Variants in PCDHGA8 observed in about 807,000 individuals in gnomAD.
PCDHGA8 encodes the protein protocadherin gamma-A8.
In PCDHGA8, 45 loss-of-function variants were observed where a neutral mutation model predicts 59.2. That is an observed-to-expected ratio of 0.76 (90% CI 0.60 to 0.98). PCDHGA8 has a LOEUF of 0.98. Ranked by LOEUF, PCDHGA8 falls within the 50% of genes least tolerant of loss-of-function variation. The pLI is 0.00. For missense variants in PCDHGA8, 1,257 were observed against 1,196.2 expected (o/e 1.05, Z -0.75); for synonymous variants, 531 against 519.0 (o/e 1.02, Z -0.32).
chr5:141,507,862 G>T (rs17286954), intron 3 of PCDHGA8, among the ~76,000 whole-genome samples: 20,426 of 152,154 alleles, frequency 0.13, 1,374 homozygotes, highest in Admixed American at 0.16. Context: ...TTTCACACCC[G>T]CTTCCTAGCC....
intron 1 of PCDHGA8, chr5:141,403,391 G>C (rs1182066905): frequency 6.2e-7 from 1 of 1,614,046 alleles, no homozygotes; most frequent in East Asian, 2.2e-5. Flanking sequence ...CGAAATCGCG[G>C]TTCCTGGAGC....
At position 141,431,641 on chromosome 5, in the gene PCDHGA8, A is replaced by G. The variant is rs772686680; in HGVS notation, c.2424+36404A>G. ...ACAAGGCGGCCCAAGTTTTCAAACT[A>G]GATTGTAATTCAGGGACAATATCAA... is the stretch of plus-strand genomic sequence containing the variant. On this transcript the variant is annotated intron_variant, in intron 1 of 3. Coordinates refer to ENST00000398604, the MANE Select transcript of PCDHGA8 (RefSeq NM_032088.2). This position sits in a 1 kb window ranked among gnomAD's most constrained non-coding sequence, Gnocchi z 4.8. The G allele has an allele frequency of 6.2e-7, 1 of 1,614,270 alleles. No individual in the cohort carries two copies. Among genetic ancestry groups the G allele is most frequent in the South Asian group, 1.1e-5 (1 of 91,092 alleles).
chr5:141,489,893 G>A lies in PCDHGA8; in HGVS notation c.2425-4914G>A. ...CTGGTGCTTACTGCTGTGGATGGGG[G>A]GACCCCAGCCCGCTCAGGGACCACC... On this transcript the variant is annotated intron_variant, in intron 1 of 3. Transcript: ENST00000398604. This position sits in a 1 kb window ranked among gnomAD's most constrained non-coding sequence, Gnocchi z 4.5. 6.2e-7 allele frequency: 1 copy of A among 1,614,190 alleles called. No individual in the cohort carries two copies. Among genetic ancestry groups the A allele is most frequent in the South Asian group, 1.1e-5 (1 of 91,084 alleles).
At chr5:141,416,033 C>T (rs770398549) in intron 1 of PCDHGA8, 22 of 202,600 alleles carry the variant, frequency 1.1e-4, no homozygotes, top group Non-Finnish European at 1.9e-4. Flanking sequence ...AAAGAAATCA[C>T]CTCTGGAAAC....
chr5:141,422,453 G>A, intron 1 of PCDHGA8: 3 of 1,611,704 alleles, frequency 1.9e-6, no homozygotes, highest in Non-Finnish European at 2.5e-6. Context: ...ATAACAAGCA[G>A]AGTGCTGGAC....
intron 1 of PCDHGA8, among the ~76,000 whole-genome samples, chr5:141,443,479 C>G (rs1285767691): frequency 6.6e-6 from 1 of 152,144 alleles, no homozygotes; most frequent in African/African-American, 2.4e-5. Context: ...GAATTAGACC[C>G]TGTCCCAAAA....
At chr5:141,502,377 C>A (rs748121694) in intron 2 of PCDHGA8, among the ~76,000 whole-genome samples, 14 of 151,904 alleles carry the variant, frequency 9.2e-5, no homozygotes, top group Non-Finnish European at 1.3e-4. Flanking sequence ...AGAGTCCAGG[C>A]CAGTTGTACT....
Position 141,477,691 on chromosome 5 carries a change from A to G in PCDHGA8, c.2425-17116A>G, listed in dbSNP as rs1315811441. 6.2e-7 allele frequency: 1 copy of G among 1,614,188 alleles called. No homozygotes were observed. Among genetic ancestry groups the G allele is most frequent in the South Asian group, 1.1e-5 (1 of 91,090 alleles). On this transcript the variant is annotated intron_variant, in intron 1 of 3. Coordinates refer to ENST00000398604, the MANE Select transcript of PCDHGA8 (RefSeq NM_032088.2). This position sits in a 1 kb window ranked among gnomAD's most constrained non-coding sequence, Gnocchi z 4.9. ...GCATAGTGTCATCCTTAGTGCCCCT[A>G]GACTATGAGGATCGGCGGGAATTTG...
intron 1 of PCDHGA8, chr5:141,410,860 T>TTTTTTTTTTTTTTTTTTG: frequency 2.3e-6 from 1 of 442,030 alleles, no homozygotes; most frequent in Non-Finnish European, 3.7e-6. Flanking sequence ...TTTTTTTTTT[T>TTTTTTTTTTTTTTTTTTG]TTTTTTTTTT....
In PCDHGA8 at chr5:141,511,555, C is replaced by T; in HGVS notation, c.*382C>T. 1 of 305,302 alleles carries T rather than the reference C, an allele frequency of 3.3e-6. No individual in the cohort carries two copies. Among genetic ancestry groups the T allele is most frequent in the South Asian group, 3.6e-5 (1 of 28,078 alleles). 18.9% of individuals were successfully genotyped at this position (305,302 alleles called of 1,614,324 possible). ...CCTCCCCACCCCACTCCAACAGTTC[C>T]TCTTTCCCGAGTAAGGTGGTTGGGG... On this transcript the variant is annotated 3_prime_UTR_variant, in exon 4 of 4. Coordinates refer to ENST00000398604, the MANE Select transcript of PCDHGA8 (RefSeq NM_032088.2).
chr5:141,453,323 G>A (rs1313870724), intron 1 of PCDHGA8, among the ~76,000 whole-genome samples: 1 of 151,482 alleles, frequency 6.6e-6, no homozygotes, highest in Non-Finnish European at 1.5e-5. Context: ...TTTAGAGATG[G>A]GGTCTCACTA....
chr5:141,495,034 A>C (rs986393420), intron 2 of PCDHGA8, 169 bp downstream of exon 2: 1 of 962,702 alleles, frequency 1.0e-6, no homozygotes, highest in Non-Finnish European at 1.2e-6. Context: ...CCCCGGAAGG[A>C]AGAGGCGACT....
rs1272109802 is a variant in PCDHGA8 at position 141,403,110 on chromosome 5, C to G, written c.2424+7873C>G. The G allele has an allele frequency of 6.2e-7, 1 of 1,614,084 alleles. No individual in the cohort carries two copies. The highest frequency in any genetic ancestry group is 1.7e-5 in the Admixed American group (1 of 60,032). The stretch of plus-strand genomic sequence containing the variant: ...GTGGGCAACATCTCCAAGGACCTGG[C>G]TCTGGAGCCCCGGGAGCTGGCGGAG... On this transcript the variant is annotated intron_variant, in intron 1 of 3. Transcript: ENST00000398604.
chr5:141,399,940 C>T lies in PCDHGA8; in HGVS notation c.2424+4703C>T, dbSNP rs374856105. On this transcript the variant is annotated intron_variant, in intron 1 of 3. Transcript: ENST00000398604. Reference sequence around the variant, plus strand: ...CAACGCCTGGCTGTCCTACCACGTGCTGCAGGCTAGCGAGCCCGGGCTCTT... The same window carrying T: ...CAACGCCTGGCTGTCCTACCACGTGTTGCAGGCTAGCGAGCCCGGGCTCTT... 4.8e-4 allele frequency: 772 copies of T among 1,612,360 alleles called. 1 individual carries two copies. In the African/African-American group the frequency reaches 9.6e-3, roughly 20 times the overall value.
At chr5:141,430,149 C>T (rs1051033560) in intron 1 of PCDHGA8, among the ~76,000 whole-genome samples, 4 of 151,968 alleles carry the variant, frequency 2.6e-5, no homozygotes, top group African/African-American at 9.7e-5. Flanking sequence ...CAGGATCATT[C>T]AAGGAATCTA....
intron 1 of PCDHGA8, chr5:141,398,413 T>G (rs774602022): frequency 1.3e-6 from 2 of 1,490,692 alleles, no homozygotes; most frequent in South Asian, 1.1e-5. Context: ...GGAGGAGATA[T>G]GCGGGAAGAA....
chr5:141,504,228 C>T lies in PCDHGA8; in HGVS notation c.2484-1165C>T, dbSNP rs114896014. Among the ~76,000 whole-genome samples, 193 of 152,312 alleles carry T rather than the reference C, an allele frequency of 1.3e-3. 1 individual carries two copies. The highest frequency in any genetic ancestry group is 2.1e-3 in the Admixed American group (32 of 15,304). ...AAAATTCCAAGTAGAGCTGAACCTT[C>T]TAAGAAGCAGAGAGTTCTTCTTATG... On this transcript the variant is annotated intron_variant, in intron 2 of 3. Coordinates refer to ENST00000398604, the MANE Select transcript of PCDHGA8 (RefSeq NM_032088.2).
intron 1 of PCDHGA8, chr5:141,427,619 C>T: frequency 1.4e-6 from 1 of 696,342 alleles, no homozygotes; most frequent in Non-Finnish European, 2.6e-6. Context: ...AAGTCAACGA[C>T]AATGCTCCGG....
At chr5:141,502,542 A>G (rs2099814957) in intron 2 of PCDHGA8, among the ~76,000 whole-genome samples, 1 of 152,216 alleles carries the variant, frequency 6.6e-6, no homozygotes, top group Admixed American at 6.5e-5. Context: ...TTCGTGTGGT[A>G]AAAACAGTGT....
Sources: gnomAD v4.1 joint callset for allele counts (sites outside exome capture counted in the v4.1 genomes callset) on GRCh38, gnomAD v4.1.1 for gene constraint, Gnocchi (gnomAD v3.1) non-coding constraint, MANE v1.5 for transcripts, NCBI Gene and HGNC (gene_info 2026-07-23, HGNC 2026-07-21) for gene names.